PPP2R3A: variants seen among roughly 807,000 people sequenced by gnomAD.
PPP2R3A encodes the protein serine/threonine-protein phosphatase 2A regulatory subunit B'' subunit alpha.
PPP2R3A carries 80 observed loss-of-function variants against 106.9 expected under a neutral mutation model. That is an observed-to-expected ratio of 0.75 (90% CI 0.62 to 0.90). The LOEUF (loss-of-function observed/expected upper bound fraction) is 0.90. Ranked by LOEUF, PPP2R3A falls within the 40% of genes least tolerant of loss-of-function variation. The pLI is 0.00. For synonymous variants in PPP2R3A, 483 were observed against 468.3 expected (o/e 1.03, Z -0.41); for missense variants, 1,386 against 1,350.4 (o/e 1.03, Z -0.41).
chr3:136,051,047 T>C (rs1209712719), intron 5 of PPP2R3A, among the ~76,000 whole-genome samples: 1 of 152,208 alleles, frequency 6.6e-6, no homozygotes, highest in Non-Finnish European at 1.5e-5. Flanking sequence ...GGGAATCAGT[T>C]ACATATCAGT....
At chr3:135,997,613 C>T (rs2107782259) in intron 1 of PPP2R3A, among the ~76,000 whole-genome samples, 1 of 152,298 alleles carries the variant, frequency 6.6e-6, no homozygotes, top group South Asian at 2.1e-4. Context: ...ACAGGTACCT[C>T]CTCAAACAAC....
rs150004913 is a variant in PPP2R3A, at chr3:136,093,965, GC to G, written c.2927+3300del. On this transcript the variant is annotated intron_variant, in intron 10 of 13. Transcript: ENST00000264977. Reference sequence around the variant, plus strand: ...TTTCATAGCAGCGTCATTCACAATAGCCAAAAGTTGGGATCAGCCCAAGATA... The same window carrying G: ...TTTCATAGCAGCGTCATTCACAATAGCAAAAGTTGGGATCAGCCCAAGATA... Among the ~76,000 whole-genome samples the G allele has an allele frequency of 2.3e-3, 357 of 152,270 alleles. 7 individuals carry two copies. In the East Asian group the frequency reaches 0.047, roughly 20 times the overall value.
intron 5 of PPP2R3A, among the ~76,000 whole-genome samples, chr3:136,056,371 G>A (rs181306304): frequency 2.0e-5 from 3 of 152,268 alleles, no homozygotes; most frequent in Admixed American, 6.5e-5. Flanking sequence ...ATTTTAACAA[G>A]TGGACCATAT....
chr3:135,973,405 A>G (rs1338134564), intron 1 of PPP2R3A, among the ~76,000 whole-genome samples: 1 of 152,198 alleles, frequency 6.6e-6, no homozygotes, highest in East Asian at 1.9e-4. Context: ...TTCAGGGACC[A>G]CCACACATCT....
intron 4 of PPP2R3A, among the ~76,000 whole-genome samples, chr3:136,048,141 A>G (rs1391041560): frequency 2.0e-5 from 3 of 152,322 alleles, no homozygotes; most frequent in South Asian, 4.1e-4. Context: ...AGGTTATGCT[A>G]TTGTGGAACA....
intron 13 of PPP2R3A, among the ~76,000 whole-genome samples, chr3:136,122,169 G>C (rs1463469259): frequency 6.6e-6 from 1 of 152,122 alleles, no homozygotes; most frequent in African/African-American, 2.4e-5. Context: ...GAAAAAGGAT[G>C]ACATAGCTGG....
chr3:136,013,196 A>G (rs893233626), intron 2 of PPP2R3A, among the ~76,000 whole-genome samples: 233 of 148,868 alleles, frequency 1.6e-3, no homozygotes, highest in African/African-American at 3.2e-3. Flanking sequence ...GTATGTATGT[A>G]TGTATGTATG....
At chr3:136,112,855 G>A (rs1187809642) in intron 13 of PPP2R3A, among the ~76,000 whole-genome samples, 1 of 152,126 alleles carries the variant, frequency 6.6e-6, no homozygotes, top group East Asian at 1.9e-4. Context: ...ATATGAAGCT[G>A]GGCGCGGTGG....
Position 136,001,364 on chromosome 3 carries a change from G to A in PPP2R3A, c.-135G>A, listed in dbSNP as rs1933614531. 3.8e-6 allele frequency: 3 copies of A among 781,330 alleles called. No individual in the cohort carries two copies. Among genetic ancestry groups the A allele is most frequent in the African/African-American group, 3.5e-5 (2 of 57,142 alleles). 48.4% of individuals were successfully genotyped at this position (781,330 alleles called of 1,614,324 possible). The stretch of plus-strand genomic sequence containing the variant: ...AAATATAAATGGTTTCCCTTCATGG[G>A]AAAAGCCATTATATTTGGAAGAAAC... On this transcript the variant is annotated 5_prime_UTR_variant, in exon 2 of 14. Transcript: ENST00000264977.
Position 136,031,880 on chromosome 3 carries a change from A to G in PPP2R3A, c.2262+4782A>G, listed in dbSNP as rs555247234. 6.6e-5 allele frequency among the ~76,000 whole-genome samples: 10 copies of G among 152,318 alleles called. No homozygotes were observed. The South Asian group carries it at 1.9e-3, about 28-fold the overall frequency. ...TGGTCTATGTGCCTATTTTTATAAC[A>G]GTACCATGCTGTTTTGGTGACTATG... On this transcript the variant is annotated intron_variant, in intron 3 of 13. Transcript: ENST00000264977.
intron 1 of PPP2R3A, among the ~76,000 whole-genome samples, chr3:135,967,353 A>G (rs1937118129): frequency 6.6e-6 from 1 of 152,220 alleles, no homozygotes; most frequent in Non-Finnish European, 1.5e-5. Flanking sequence ...CAACCTGAAC[A>G]TTGAGCAGTT....
chr3:136,090,339 T>A (rs949190265), intron 9 of PPP2R3A, among the ~76,000 whole-genome samples: 7 of 152,226 alleles, frequency 4.6e-5, no homozygotes, highest in Admixed American at 4.6e-4. Context: ...TCCCAGTGAT[T>A]ATTTGCATTC....
chr3:135,975,297 T>G (rs1356684034), intron 1 of PPP2R3A, among the ~76,000 whole-genome samples: 1 of 152,166 alleles, frequency 6.6e-6, no homozygotes, highest in Non-Finnish European at 1.5e-5. Context: ...CCACATCTAG[T>G]GACAGTCTAT....
At chr3:136,126,158 C>T (rs1214124200) in intron 13 of PPP2R3A, among the ~76,000 whole-genome samples, 10 of 152,174 alleles carry the variant, frequency 6.6e-5, no homozygotes, top group African/African-American at 2.2e-4. Flanking sequence ...GGGTGCAGCC[C>T]ACAGAGGGCA....
At chr3:136,084,024 C>T (rs780220612) in intron 8 of PPP2R3A, among the ~76,000 whole-genome samples, 20 of 152,172 alleles carry the variant, frequency 1.3e-4, no homozygotes, top group African/African-American at 3.6e-4. Context: ...ACCCATTTTC[C>T]GGGGAGAAAT....
At chr3:136,126,350 A>G (rs1186007019) in intron 13 of PPP2R3A, among the ~76,000 whole-genome samples, 2 of 152,228 alleles carry the variant, frequency 1.3e-5, no homozygotes, top group African/African-American at 4.8e-5. Context: ...TCCCATGCCC[A>G]TGGAGCCTTG....
At chr3:136,110,687 T>C (rs1413184422) in intron 13 of PPP2R3A, among the ~76,000 whole-genome samples, 1 of 152,222 alleles carries the variant, frequency 6.6e-6, no homozygotes, top group Non-Finnish European at 1.5e-5. Flanking sequence ...CCAATAAAAC[T>C]TTAGTAACAG....
At chr3:136,097,348 G>A (rs920322747) in intron 10 of PPP2R3A, among the ~76,000 whole-genome samples, 2 of 152,204 alleles carry the variant, frequency 1.3e-5, no homozygotes, top group African/African-American at 4.8e-5. Flanking sequence ...CACTGAGGCA[G>A]CCTGTTCATT....
chr3:136,081,944 G>T (rs1040841489), intron 7 of PPP2R3A, among the ~76,000 whole-genome samples: 3 of 152,132 alleles, frequency 2.0e-5, no homozygotes, highest in Admixed American at 6.5e-5. Flanking sequence ...AAATAATTAA[G>T]ACTATGATCT....
Sources: allele counts gnomAD v4.1 joint callset (sites outside exome capture counted in the v4.1 genomes callset), GRCh38; gene constraint gnomAD v4.1.1; transcripts MANE v1.5; gene names NCBI Gene and HGNC (gene_info 2026-07-23, HGNC 2026-07-21).